The following PTPRD variants were observed in gnomAD, a reference collection of about 807,000 sequenced individuals.
PTPRD encodes the protein protein tyrosine phosphatase receptor type D.
PTPRD carries 34 observed loss-of-function variants against 214.5 expected under a neutral mutation model. That is an observed-to-expected ratio of 0.16 (90% confidence interval 0.12 to 0.21). PTPRD has a LOEUF of 0.21. PTPRD is among the 10% of genes least tolerant of loss of function. The pLI is 1.00. For synonymous variants in PTPRD, 1,128 were observed against 845.7 expected (o/e 1.33, Z -5.79); for missense variants, 2,545 against 2,398.7 (o/e 1.06, Z -1.27).
intron 4 of PTPRD, among the ~76,000 whole-genome samples, chr9:10,016,127 G>A (rs560210225): frequency 2.6e-5 from 4 of 152,264 alleles, no homozygotes; most frequent in East Asian, 3.9e-4. Context: ...AAGGTCTAAT[G>A]TGATCTCCCT....
intron 3 of PTPRD, among the ~76,000 whole-genome samples, chr9:10,335,071 G>T (rs1343714393): frequency 6.6e-6 from 1 of 151,580 alleles, no homozygotes; most frequent in South Asian, 2.1e-4. Flanking sequence ...GTTATATTTT[G>T]GATATTGACA....
At chr9:8,573,072 C>T (rs1233079145) in intron 14 of PTPRD, among the ~76,000 whole-genome samples, 1 of 151,826 alleles carries the variant, frequency 6.6e-6, no homozygotes, top group Non-Finnish European at 1.5e-5. Flanking sequence ...AAATTGAATC[C>T]TCAATTTAAA....
At chr9:9,640,562 G>A (rs1371837324) in intron 7 of PTPRD, among the ~76,000 whole-genome samples, 2 of 152,176 alleles carry the variant, frequency 1.3e-5, no homozygotes, top group African/African-American at 4.8e-5. Flanking sequence ...CTGATAAAAT[G>A]TGGAAGAACT....
intron 7 of PTPRD, among the ~76,000 whole-genome samples, chr9:9,645,481 T>TA (rs551083492): frequency 0.02 from 2,855 of 142,298 alleles, 42 homozygotes; most frequent in Middle Eastern, 0.035. Flanking sequence ...ATATATATAT[T>TA]TTCTATTTGC....
chr9:10,387,266 G>C (rs188512156), intron 2 of PTPRD, among the ~76,000 whole-genome samples: 1 of 151,958 alleles, frequency 6.6e-6, no homozygotes, highest in East Asian at 2.0e-4. Context: ...AATTTGTACA[G>C]TCTCCAATAA....
At chr9:8,646,479 G>T (rs1439783486) in intron 12 of PTPRD, among the ~76,000 whole-genome samples, 1 of 151,970 alleles carries the variant, frequency 6.6e-6, no homozygotes, top group Non-Finnish European at 1.5e-5. Context: ...TTCCACCATT[G>T]CCCACGGAGA....
At chr9:9,255,088 C>A (rs1272275727) in intron 9 of PTPRD, among the ~76,000 whole-genome samples, 1 of 151,958 alleles carries the variant, frequency 6.6e-6, no homozygotes, top group Non-Finnish European at 1.5e-5. Context: ...AGTAAATAAA[C>A]AAAGCTCAAG....
chr9:9,464,307 G>A (rs1433171085), intron 8 of PTPRD, among the ~76,000 whole-genome samples: 7 of 152,010 alleles, frequency 4.6e-5, no homozygotes, highest in Non-Finnish European at 5.9e-5. Context: ...CCTGCTTTTG[G>A]AATCCCCACA....
chr9:9,951,975 C>G (rs1485596182), intron 4 of PTPRD, among the ~76,000 whole-genome samples: 1 of 152,124 alleles, frequency 6.6e-6, no homozygotes, highest in Non-Finnish European at 1.5e-5. Flanking sequence ...GTTGGAATCA[C>G]CCCCTTGAAG....
intron 7 of PTPRD, among the ~76,000 whole-genome samples, chr9:9,687,471 A>G (rs546004323): frequency 6.6e-6 from 1 of 151,752 alleles, no homozygotes; most frequent in Non-Finnish European, 1.5e-5. Context: ...AATGTCAGAC[A>G]CCAGTTATGT....
chr9:9,370,029 T>C (rs1299461997), intron 9 of PTPRD, among the ~76,000 whole-genome samples: 1 of 152,206 alleles, frequency 6.6e-6, no homozygotes, highest in Non-Finnish European at 1.5e-5. Flanking sequence ...TAGTATAGTT[T>C]GAAGTCAGGT....
At chr9:8,569,382 A>T (rs1456706632) in intron 14 of PTPRD, among the ~76,000 whole-genome samples, 1 of 152,150 alleles carries the variant, frequency 6.6e-6, no homozygotes, top group Non-Finnish European at 1.5e-5. Context: ...TAATGTTAAA[A>T]TGAAAATGCC....
In PTPRD at chr9:9,848,436, T is replaced by G. The variant is rs377164579; in HGVS notation, c.-367-81585A>C. ...TTAGATGTGTATAGAAAAGAACAAA[T>G]AGGGATAATGACATTTATCCATTAA... On this transcript the variant is annotated intron_variant, in intron 5 of 45. Coordinates refer to ENST00000381196, the MANE Select transcript of PTPRD (RefSeq NM_002839.4). Among the ~76,000 whole-genome samples, 16 of 152,194 alleles carry G rather than the reference T, an allele frequency of 1.1e-4. No homozygotes were observed. The East Asian group carries it at 1.4e-3, about 13-fold the overall frequency.
chr9:8,423,678 T>G (rs1053775628), intron 35 of PTPRD, among the ~76,000 whole-genome samples: 1 of 152,172 alleles, frequency 6.6e-6, no homozygotes, highest in African/African-American at 2.4e-5. Flanking sequence ...GGTCTCACTT[T>G]TTTTTAATCT....
intron 3 of PTPRD, among the ~76,000 whole-genome samples, chr9:10,272,923 T>C (rs1245972476): frequency 6.6e-6 from 1 of 152,228 alleles, no homozygotes; most frequent in Non-Finnish European, 1.5e-5. Flanking sequence ...AATTGAAATG[T>C]TGTCCATCAG....
intron 12 of PTPRD, among the ~76,000 whole-genome samples, chr9:8,660,459 G>C (rs915041766): frequency 1.3e-5 from 2 of 152,112 alleles, no homozygotes; most frequent in Non-Finnish European, 2.9e-5. Context: ...AAATTAGTTG[G>C]AGTCATAAAA....
intron 10 of PTPRD, among the ~76,000 whole-genome samples, chr9:9,046,308 A>T (rs1313293443): frequency 6.6e-6 from 1 of 152,214 alleles, no homozygotes; most frequent in Non-Finnish European, 1.5e-5. Flanking sequence ...CTTAGAAGAT[A>T]TCCAGCAACA....
At chr9:8,458,910 C>T (rs2096293900) in intron 33 of PTPRD, among the ~76,000 whole-genome samples, 1 of 151,920 alleles carries the variant, frequency 6.6e-6, no homozygotes, top group Admixed American at 6.6e-5. Context: ...ATGGATATAT[C>T]TTTCATTCTT....
intron 14 of PTPRD, among the ~76,000 whole-genome samples, chr9:8,565,349 A>G (rs934586050): frequency 6.6e-6 from 1 of 152,210 alleles, no homozygotes; most frequent in African/African-American, 2.4e-5. Context: ...CTTTCATGTG[A>G]GAACCATATT....
Sources: gnomAD v4.1 joint callset for allele counts (sites outside exome capture counted in the v4.1 genomes callset) on GRCh38, gnomAD v4.1.1 for gene constraint, MANE v1.5 for transcripts, NCBI Gene and HGNC (gene_info 2026-07-23, HGNC 2026-07-21) for gene names.